The following MBD5 variants were observed in gnomAD, a reference collection of about 807,000 sequenced individuals.
MBD5 encodes methyl-CpG binding domain protein 5, also known as methyl-CpG-binding domain protein 5.
A neutral mutation model predicts 117.3 loss-of-function variants in MBD5; 13 were observed. The observed-to-expected ratio is 0.11, with a 90% CI of 0.07 to 0.18. MBD5 has a LOEUF of 0.18. MBD5 is among the 10% of genes least tolerant of loss of function. The probability of loss-of-function intolerance (pLI) is 1.00; values close to 1 mark genes in which losing one functional copy is unlikely to be tolerated. For synonymous variants in MBD5, 727 were observed against 766.4 expected (o/e 0.95, Z 0.85); for missense variants, 1,879 against 2,093.8 (o/e 0.90, Z 2.00).
chr2:148,117,668 C>A (rs1296906235), intron 1 of MBD5, among the ~76,000 whole-genome samples: 1 of 152,210 alleles, frequency 6.6e-6, no homozygotes, highest in East Asian at 1.9e-4. Flanking sequence ...TATAAGAGAA[C>A]AAGACAGCTG....
chr2:148,427,285 A>G (rs979982751), intron 4 of MBD5, among the ~76,000 whole-genome samples: 1 of 152,196 alleles, frequency 6.6e-6, no homozygotes, highest in Non-Finnish European at 1.5e-5. Context: ...CATTCGACCC[A>G]GCCATCCCAT....
intron 3 of MBD5, among the ~76,000 whole-genome samples, chr2:148,239,256 A>G (rs1700159004): frequency 6.6e-6 from 1 of 152,082 alleles, no homozygotes; most frequent in African/African-American, 2.4e-5. Context: ...TTGGACATCG[A>G]CAGTTCCTTG....
At chr2:148,065,374 G>C (rs987223537) in intron 1 of MBD5, among the ~76,000 whole-genome samples, 5 of 152,180 alleles carry the variant, frequency 3.3e-5, no homozygotes, top group African/African-American at 1.2e-4. Context: ...GGCTGGACCA[G>C]TAGACCTGTG....
At chr2:148,281,693 C>T (rs1701250449) in intron 3 of MBD5, among the ~76,000 whole-genome samples, 1 of 151,974 alleles carries the variant, frequency 6.6e-6, no homozygotes, top group Non-Finnish European at 1.5e-5. Flanking sequence ...TTCTCTCTAT[C>T]TCTATCTCCT....
intron 1 of MBD5, among the ~76,000 whole-genome samples, chr2:148,130,295 G>A (rs1257357313): frequency 6.6e-6 from 1 of 152,014 alleles, no homozygotes; most frequent in Admixed American, 6.5e-5. Flanking sequence ...TAGAACTACT[G>A]TACTTCTCAT....
At chr2:148,103,363 A>G (rs1010260873) in intron 1 of MBD5, among the ~76,000 whole-genome samples, 35 of 152,126 alleles carry the variant, frequency 2.3e-4, no homozygotes, top group Non-Finnish European at 4.7e-4. Context: ...ATATTTTAAT[A>G]TTTACTGTAG....
chr2:148,229,040 T>G (rs1699914584), intron 2 of MBD5, among the ~76,000 whole-genome samples: 2 of 152,292 alleles, frequency 1.3e-5, no homozygotes, highest in South Asian at 4.1e-4. Flanking sequence ...ATCAATTTTG[T>G]TGATCTTTTC....
intron 4 of MBD5, among the ~76,000 whole-genome samples, chr2:148,387,906 G>T (rs935301256): frequency 3.9e-5 from 6 of 152,102 alleles, no homozygotes; most frequent in Non-Finnish European, 8.8e-5. Flanking sequence ...ATATAATCAA[G>T]ATGTCAGTTC....
intron 12 of MBD5, among the ~76,000 whole-genome samples, chr2:148,508,362 G>GA (rs370266265): frequency 2.2e-4 from 34 of 151,986 alleles, no homozygotes; most frequent in Non-Finnish European, 4.3e-4. Context: ...GTTATAAGGA[G>GA]AAAAAAGAGA....
At chr2:148,413,332 T>A (rs2105200082) in intron 4 of MBD5, among the ~76,000 whole-genome samples, 1 of 152,208 alleles carries the variant, frequency 6.6e-6, no homozygotes, top group East Asian at 1.9e-4. Context: ...CATGGTGGAT[T>A]AGCTTTTTGT....
intron 4 of MBD5, among the ~76,000 whole-genome samples, chr2:148,412,584 C>T (rs889109019): frequency 6.6e-6 from 1 of 152,078 alleles, no homozygotes; most frequent in Non-Finnish European, 1.5e-5. Context: ...TTCTTCCTCT[C>T]CATGGGCATG....
At chr2:148,203,852 T>C (rs776952530) in intron 2 of MBD5, among the ~76,000 whole-genome samples, 1 of 120,984 alleles carries the variant, frequency 8.3e-6, no homozygotes. Context: ...AGAGAATAGA[T>C]TGTGGACATC....
chr2:148,163,932 C>T (rs1698069374), intron 1 of MBD5, among the ~76,000 whole-genome samples: 1 of 152,018 alleles, frequency 6.6e-6, no homozygotes, highest in African/African-American at 2.4e-5. Flanking sequence ...TTCTAATTAC[C>T]AGACTACTGA....
Position 148,484,060 on chromosome 2 carries a change from C to G in MBD5, c.3469C>G (p.Pro1157Ala), listed in dbSNP as rs1192199916. The change falls in exon 9 of 14, where the codon CCT (proline) becomes GCT (alanine). Residue 1157 changes from proline to alanine, a missense_variant. Pro to Ala is a conservative substitution (Grantham distance 27). This residue lies in a region of MBD5 where 1,666 missense variants were observed against 1,792.2 expected (regional missense o/e 0.93). Transcript: ENST00000642680. ...LNISNNAGNT[P>A]GPAKLNSNSV... ...TATATCTAATAATGCTGGGAATACACCTGGTCCAGCTAAACTCAACAGTAA... is the reference window on the plus strand; with the variant it reads ...TATATCTAATAATGCTGGGAATACAGCTGGTCCAGCTAAACTCAACAGTAA... 4 of 1,548,608 alleles carry G rather than the reference C, an allele frequency of 2.6e-6. No homozygotes were observed. The highest frequency in any genetic ancestry group is 2.6e-6 in the Non-Finnish European group (3 of 1,146,042).
intron 1 of MBD5, among the ~76,000 whole-genome samples, chr2:148,141,215 T>C (rs923918915): frequency 1.3e-5 from 2 of 152,174 alleles, no homozygotes; most frequent in African/African-American, 4.8e-5. Context: ...CAATGTAAAG[T>C]TTCAGCCTGT....
chr2:148,276,278 C>T (rs1360606125), intron 3 of MBD5, among the ~76,000 whole-genome samples: 1 of 152,040 alleles, frequency 6.6e-6, no homozygotes, highest in South Asian at 2.1e-4. Context: ...TATGATCATG[C>T]CACTGCACTC....
At position 148,021,652 on chromosome 2, in the gene MBD5, A is replaced by G; in HGVS notation, c.-957A>G. The G allele has an allele frequency of 2.5e-6, 1 of 401,628 alleles. No individual in the cohort carries two copies. 24.9% of individuals were successfully genotyped at this position (401,628 alleles called of 1,614,324 possible). On this transcript the variant is annotated 5_prime_UTR_variant, in exon 1 of 14. Coordinates refer to ENST00000642680, the MANE Select transcript of MBD5 (RefSeq NM_001378120.1). The stretch of plus-strand genomic sequence containing the variant: ...CCTTTGTGTCATCCTCCACAGCTCC[A>G]GGGAAGGCACTCAAAAGTGGGGGGC...
chr2:148,406,318 T>C (rs1292792229), intron 4 of MBD5, among the ~76,000 whole-genome samples: 2 of 152,228 alleles, frequency 1.3e-5, no homozygotes, highest in Non-Finnish European at 2.9e-5. Context: ...CTTAGGCTGT[T>C]ATAATCTCCA....
At chr2:148,510,004 A>G (rs1229654270) in intron 12 of MBD5, 56 bp from the exon 13 acceptor site, 13 of 1,353,654 alleles carry the variant, frequency 9.6e-6, no homozygotes. Flanking sequence ...AGGAAATTAA[A>G]TTGAGTTTTG....
Sources: allele counts gnomAD v4.1 joint callset (sites outside exome capture counted in the v4.1 genomes callset), GRCh38; gene constraint gnomAD v4.1.1; regional missense constraint gnomAD v4.1.1; transcripts MANE v1.5; gene names NCBI Gene and HGNC (gene_info 2026-07-23, HGNC 2026-07-21).